Variants in RANBP2 observed in about 807,000 individuals in gnomAD.
RANBP2 encodes the protein E3 SUMO-protein ligase RanBP2.
RANBP2 carries 57 observed loss-of-function variants against 303.6 expected under a neutral mutation model. That is an observed-to-expected ratio of 0.19 (90% CI 0.15 to 0.23). The LOEUF is 0.23. RANBP2 is among the 10% of genes least tolerant of loss of function. The probability of loss-of-function intolerance (pLI) is 1.00; values close to 1 mark genes in which losing one functional copy is unlikely to be tolerated. For synonymous variants in RANBP2, 1,167 were observed against 1,301.5 expected, an observed-to-expected ratio of 0.90 and a Z score of 2.23; for missense variants, 3,138 against 3,780.8, an observed-to-expected ratio of 0.83 and a Z score of 4.46.
chr2:108,925,191 C>G, the RANBP2 span, among the ~76,000 whole-genome samples: 960 of 152,010 alleles, frequency 6.3e-3, 10 homozygotes, highest in African/African-American at 0.022. Context: ...GTTCACGTCT[C>G]TATTCCTTGG....
the RANBP2 span, among the ~76,000 whole-genome samples, chr2:108,861,563 C>T: frequency 6.7e-6 from 1 of 148,500 alleles, no homozygotes; most frequent in Non-Finnish European, 1.5e-5. Flanking sequence ...TCACTGCAAC[C>T]TCCGCCTCCT....
chr2:109,733,794 C>T, the RANBP2 span, among the ~76,000 whole-genome samples: 1 of 151,390 alleles, frequency 6.6e-6, no homozygotes, highest in African/African-American at 2.4e-5. Flanking sequence ...ATTGCTTGAA[C>T]CCGAGAAACC....
the RANBP2 span, among the ~76,000 whole-genome samples, chr2:109,132,382 C>A: frequency 6.6e-6 from 1 of 152,182 alleles, no homozygotes; most frequent in African/African-American, 2.4e-5. Flanking sequence ...TGGCAGGACA[C>A]AAAACAGTGT....
the RANBP2 span, among the ~76,000 whole-genome samples, chr2:109,622,934 C>G: frequency 6.6e-6 from 1 of 152,102 alleles, no homozygotes; most frequent in African/African-American, 2.4e-5. Flanking sequence ...TCGAGACCAG[C>G]TGGCCAACAT....
intron 18 of RANBP2, among the ~76,000 whole-genome samples, chr2:108,759,706 C>T (rs1676586633): frequency 6.6e-6 from 1 of 152,118 alleles, no homozygotes; most frequent in African/African-American, 2.4e-5. Context: ...ACGTTCAAAC[C>T]TTGTTTTCTT....
chr2:109,765,652 G>C, the RANBP2 span, among the ~76,000 whole-genome samples: 51 of 150,398 alleles, frequency 3.4e-4, 1 homozygote, highest in African/African-American at 1.2e-3. Context: ...AAACCACGTG[G>C]TGGGAAGACT....
chr2:108,768,165 G>A lies in RANBP2; in HGVS notation c.7626G>A (p.Gly2542=). Residue 2542 remains glycine, a synonymous_variant, in exon 20 of 29, where the codon GGG becomes GGA. Coordinates refer to ENST00000283195, the MANE Select transcript of RANBP2 (RefSeq NM_006267.5). ...PFAFGNSSAT[G]SLFGFSFNAP... The stretch of plus-strand genomic sequence containing the variant: ...CATTCGGCAACAGTTCAGCCACTGG[G>A]TCTTTGTTTGGATTTAGTTTTAATG... 3.1e-6 allele frequency: 5 copies of A among 1,612,006 alleles called. No homozygotes were observed. The highest frequency in any genetic ancestry group is 4.2e-6 in the Non-Finnish European group (5 of 1,179,858).
the RANBP2 span, among the ~76,000 whole-genome samples, chr2:108,829,940 A>G: frequency 6.6e-6 from 1 of 152,202 alleles, no homozygotes; most frequent in Non-Finnish European, 1.5e-5. Flanking sequence ...AAAATAATTG[A>G]AAGCAGAGGC....
At chr2:109,215,152 G>GTT in the RANBP2 span, among the ~76,000 whole-genome samples, 1 of 152,164 alleles carries the variant, frequency 6.6e-6, no homozygotes, top group African/African-American at 2.4e-5. Flanking sequence ...GTCTTTCTGT[G>GTT]TTTCTCTCTC....
chr2:108,878,923 C>CTTT, the RANBP2 span, among the ~76,000 whole-genome samples: 1 of 151,812 alleles, frequency 6.6e-6, no homozygotes, highest in Admixed American at 6.6e-5. Context: ...TCTCAAAACA[C>CTTT]TGAAAAAGAA....
At chr2:108,748,229 A>G (rs556725235) in intron 8 of RANBP2, among the ~76,000 whole-genome samples, 22 of 150,362 alleles carry the variant, frequency 1.5e-4, no homozygotes, top group African/African-American at 5.4e-4. Context: ...TTTTCCTGAG[A>G]CAGAGTCTTA....
chr2:109,240,335 A>T, the RANBP2 span, among the ~76,000 whole-genome samples: 1 of 152,250 alleles, frequency 6.6e-6, no homozygotes, highest in East Asian at 1.9e-4. Context: ...AAAATACAAA[A>T]AAATTAGTCA....
the RANBP2 span, among the ~76,000 whole-genome samples, chr2:109,027,053 G>C: frequency 6.6e-6 from 1 of 152,122 alleles, no homozygotes; most frequent in Non-Finnish European, 1.5e-5. Context: ...AAACCAGCTT[G>C]GTGCGTGGTG....
the RANBP2 span, chr2:108,878,540 G>C: frequency 2.8e-5 from 6 of 212,972 alleles, 1 homozygote; most frequent in South Asian, 5.1e-4. Context: ...GACTGAAAAT[G>C]TCACCACCAT....
chr2:109,691,659 A>G, the RANBP2 span, among the ~76,000 whole-genome samples: 1 of 152,134 alleles, frequency 6.6e-6, no homozygotes, highest in African/African-American at 2.4e-5. Context: ...AGGAGGGGAT[A>G]GGGAGGGACA....
the RANBP2 span, among the ~76,000 whole-genome samples, chr2:109,176,973 G>C: frequency 2.0e-3 from 298 of 152,298 alleles, 1 homozygote; most frequent in Middle Eastern, 0.014. Flanking sequence ...GGTGAGGTAT[G>C]ATGGCCTCAA....
chr2:109,439,065 A>C, the RANBP2 span, among the ~76,000 whole-genome samples: 4 of 152,172 alleles, frequency 2.6e-5, no homozygotes, highest in Non-Finnish European at 4.4e-5. Flanking sequence ...GCCTTGCTAG[A>C]AACGTTCCCA....
chr2:109,398,577 C>G, the RANBP2 span: 1 of 1,539,272 alleles, frequency 6.5e-7, no homozygotes, highest in African/African-American at 1.4e-5. Context: ...CCCCTCTCCC[C>G]TTTCTCACTC....
the RANBP2 span, among the ~76,000 whole-genome samples, chr2:109,670,442 G>C: frequency 1.3e-5 from 2 of 151,798 alleles, no homozygotes; most frequent in African/African-American, 4.8e-5. Context: ...GATTGGGTGC[G>C]ATAACTTGGG....
Sources: gnomAD v4.1 joint callset for allele counts (sites outside exome capture counted in the v4.1 genomes callset) on GRCh38, gnomAD v4.1.1 for gene constraint, MANE v1.5 for transcripts, NCBI Gene and HGNC (gene_info 2026-07-23, HGNC 2026-07-21) for gene names.